Variants in ZFHX4 observed in about 807,000 individuals in gnomAD.
ZFHX4 encodes zinc finger homeobox protein 4.
ZFHX4 carries 56 observed loss-of-function variants against 267.6 expected under a neutral mutation model. The observed-to-expected ratio is 0.21, with a 90% CI of 0.17 to 0.26. The LOEUF (loss-of-function observed/expected upper bound fraction) is 0.26, where lower values mean the gene tolerates loss of function less well. Ranked by LOEUF, ZFHX4 falls within the 10% of genes least tolerant of loss-of-function variation. The probability of loss-of-function intolerance (pLI) is 1.00; values close to 1 mark genes in which losing one functional copy is unlikely to be tolerated. For missense variants in ZFHX4, 4,332 were observed against 4,420.0 expected (o/e 0.98, Z 0.56); for synonymous variants, 1,778 against 1,665.6 (o/e 1.07, Z -1.64).
At position 76,864,779 on chromosome 8, in the gene ZFHX4, A is replaced by G. The variant is rs988471925; in HGVS notation, c.*214A>G. On this transcript the variant is annotated 3_prime_UTR_variant, in exon 11 of 11. Transcript: ENST00000651372. ...AGATGGTTGAATGCGCTTGTACTAT[A>G]TGCTAAAATATGGAAAAGGAAAAAA... 2.5e-4 allele frequency: 88 copies of G among 347,840 alleles called. No individual in the cohort carries two copies. The highest frequency in any genetic ancestry group is 1.8e-3 in the African/African-American group (87 of 47,240). The allele number at this position is 347,840 out of a possible 1,614,324, so 21.5% of individuals were successfully genotyped here.
rs992313188 is a variant in ZFHX4, at chr8:76,855,734, A to G, written c.8813A>G (p.Asn2938Ser). 1.2e-6 allele frequency: 2 copies of G among 1,613,966 alleles called. No individual in the cohort carries two copies. Among genetic ancestry groups the G allele is most frequent in the Non-Finnish European group, 8.5e-7 (1 of 1,179,870 alleles). ...GHKRFRTQMS[N>S]LQLKVLKACF... is the part of the protein sequence containing the mutation. ...AAGCGTTTTCGAACGCAAATGAGCA[A>G]TCTTCAACTCAAGGTTCTCAAGGCT... The change falls in exon 10 of 11, where the codon AAT becomes AGT. Residue 2938 changes from asparagine (N) to serine (S), a missense_variant. Asn to Ser is a conservative substitution (Grantham distance 46). This residue lies in a region of ZFHX4 where 1,648 missense variants were observed against 1,625.0 expected (regional missense o/e 1.01). Transcript: ENST00000651372.
chr8:76,722,769 ATGTCT>A (rs1170700757), intron 3 of ZFHX4, among the ~76,000 whole-genome samples: 2 of 152,000 alleles, frequency 1.3e-5, no homozygotes, highest in African/African-American at 4.8e-5. Flanking sequence ...AATATTACTC[ATGTCT>A]TGTCAGTACA....
rs557883504 is a variant in ZFHX4 at position 76,768,982 on chromosome 8, C to T, written c.3094-9226C>T. Among the ~76,000 whole-genome samples the T allele has an allele frequency of 1.9e-3, 282 of 152,194 alleles. 2 individuals are homozygous for T. The highest frequency in any genetic ancestry group is 3.1e-3 in the Non-Finnish European group (208 of 68,012). Reference sequence around the variant, plus strand: ...GTGTGGTGGTGCATGCTTGTAGTCCCAGCTACTTGGGAGGCTGAGGCAGGA... The same window carrying T: ...GTGTGGTGGTGCATGCTTGTAGTCCTAGCTACTTGGGAGGCTGAGGCAGGA... On this transcript the variant is annotated intron_variant, in intron 3 of 10. Transcript: ENST00000651372.
intron 4 of ZFHX4, among the ~76,000 whole-genome samples, chr8:76,832,608 A>C (rs1399398132): frequency 6.6e-6 from 1 of 152,166 alleles, no homozygotes; most frequent in Non-Finnish European, 1.5e-5. Context: ...GAGACTTGGT[A>C]AAATGGAATC....
At chr8:76,694,148 G>A (rs1267931026) in intron 1 of ZFHX4, among the ~76,000 whole-genome samples, 2 of 152,120 alleles carry the variant, frequency 1.3e-5, no homozygotes, top group East Asian at 3.9e-4. Context: ...ACTCTATCGT[G>A]TACATAACAA....
rs747801606 is a variant in ZFHX4 at position 76,851,303 on chromosome 8, C to G, written c.4382C>G (p.Ala1461Gly). 8 of 1,613,622 alleles carry G rather than the reference C, an allele frequency of 5.0e-6. No individual in the cohort carries two copies. In the South Asian group the frequency reaches 7.7e-5, roughly 16 times the overall value. ...GAAGCTGAACTTCAACAGCTATATG[C>G]CTCCTTGCCCGTGAATGGAGAACTG... ...LSEAELQQLY[A>G]SLPVNGELWA... The change falls in exon 10 of 11, where the codon GCC becomes GGC. Residue 1461 changes from alanine to glycine, a missense_variant. Ala to Gly is a moderately conservative substitution (Grantham distance 60). Coordinates refer to ENST00000651372, the MANE Select transcript of ZFHX4 (RefSeq NM_024721.5).
chr8:76,682,335 C>T (rs559331186), intron 1 of ZFHX4, among the ~76,000 whole-genome samples: 1 of 152,300 alleles, frequency 6.6e-6, no homozygotes, highest in East Asian at 1.9e-4. Flanking sequence ...GCTTAGTGTG[C>T]GGGGCTGGCG....
intron 3 of ZFHX4, among the ~76,000 whole-genome samples, chr8:76,757,563 G>T (rs564888181): frequency 6.6e-6 from 1 of 152,168 alleles, no homozygotes; most frequent in Non-Finnish European, 1.5e-5. Flanking sequence ...GGCATGGAAG[G>T]TTTATGCCCA....
At chr8:76,698,019 T>A (rs1808003862) in intron 1 of ZFHX4, among the ~76,000 whole-genome samples, 1 of 152,000 alleles carries the variant, frequency 6.6e-6, no homozygotes, top group Non-Finnish European at 1.5e-5. Flanking sequence ...GATTAGGAAA[T>A]CCTTAACCTT....
intron 3 of ZFHX4, among the ~76,000 whole-genome samples, chr8:76,737,974 G>C (rs1008601246): frequency 2.0e-5 from 3 of 152,022 alleles, no homozygotes; most frequent in Admixed American, 6.6e-5. Flanking sequence ...CCTCTGGAAG[G>C]GAACAGTGTG....
chr8:76,810,149 A>G (rs564429921), intron 4 of ZFHX4, among the ~76,000 whole-genome samples: 45 of 152,284 alleles, frequency 3.0e-4, no homozygotes, highest in Admixed American at 9.8e-4. Flanking sequence ...TGTTCTGCAA[A>G]TTCATTCTTA....
intron 3 of ZFHX4, among the ~76,000 whole-genome samples, chr8:76,770,133 T>TA (rs371749292): frequency 3.9e-5 from 6 of 152,310 alleles, no homozygotes; most frequent in African/African-American, 1.2e-4. Flanking sequence ...CAGGTTCTGT[T>TA]AAAAATATCA....
At chr8:76,778,070 C>G (rs945845364) in intron 3 of ZFHX4, 138 bp from the exon 4 acceptor site, 2 of 633,912 alleles carry the variant, frequency 3.2e-6, no homozygotes, top group Non-Finnish European at 5.7e-6. Flanking sequence ...AGGTGGTAGG[C>G]TGGGCTGCGT....
In ZFHX4 at chr8:76,854,553, T is replaced by A; in HGVS notation, c.7632T>A (p.Asn2544Lys). The A allele has an allele frequency of 1.2e-6, 2 of 1,613,580 alleles. No individual in the cohort carries two copies. Among genetic ancestry groups the A allele is most frequent in the Non-Finnish European group, 1.7e-6 (2 of 1,179,826 alleles). The change falls in exon 10 of 11, where the codon AAT becomes AAA. Residue 2544 changes from asparagine to lysine, a missense_variant. Asn to Lys is a moderately conservative substitution (Grantham distance 94). Around this residue, in one of 7 missense-constraint regions of ZFHX4, gnomAD observed 1,648 missense variants for 1,625.0 expected, o/e 1.01. Coordinates refer to ENST00000651372, the MANE Select transcript of ZFHX4 (RefSeq NM_024721.5). ...CCTACATGATATTTGACCCCAACAA[T>A]CCGCTGATGACTGGACAACTGCTGG... Reference protein sequence around the residue: ...DMPYMIFDPNNPLMTGQLLGS... With the variant: ...DMPYMIFDPNKPLMTGQLLGS...
chr8:76,744,974 A>G (rs754526574), intron 3 of ZFHX4, among the ~76,000 whole-genome samples: 1 of 152,144 alleles, frequency 6.6e-6, no homozygotes, highest in African/African-American at 2.4e-5. Flanking sequence ...TCTTCTTGTG[A>G]TGCCCAAGTC....
chr8:76,688,357 AG>A (rs1315831508), intron 1 of ZFHX4, among the ~76,000 whole-genome samples: 2 of 152,170 alleles, frequency 1.3e-5, no homozygotes, highest in East Asian at 3.9e-4. Flanking sequence ...GGCAATGTTA[AG>A]TGTTTTAAGT....
chr8:76,851,950 G>A lies in ZFHX4; in HGVS notation c.5029G>A (p.Asp1677Asn). The A allele has an allele frequency of 6.2e-7, 1 of 1,613,936 alleles. No individual in the cohort carries two copies. Among genetic ancestry groups the A allele is most frequent in the East Asian group, 2.2e-5 (1 of 44,866 alleles). ...AGAATTAAATAAAAAGCAAACTCCT[G>A]ATTTAATCTCTGCTCAACCTGCACA... ...AKELNKKQTPDLISAQPAHHP... is the reference protein window; with the variant it reads ...AKELNKKQTPNLISAQPAHHP... Residue 1677 changes from aspartate (D) to asparagine (N), a missense_variant, in exon 10 of 11, where the codon GAT (aspartate) becomes AAT (asparagine). By Grantham distance (23) the Asp-to-Asn change is conservative. Around this residue, in one of 7 missense-constraint regions of ZFHX4, gnomAD observed 1,371 missense variants for 1,423.1 expected, o/e 0.96. Coordinates refer to ENST00000651372, the MANE Select transcript of ZFHX4 (RefSeq NM_024721.5).
At position 76,801,802 on chromosome 8, in the gene ZFHX4, G is replaced by T. The variant is rs146033312; in HGVS notation, c.3325+23363G>T. 1.9e-4 allele frequency among the ~76,000 whole-genome samples: 29 copies of T among 151,942 alleles called. No homozygotes were observed. In the South Asian group the frequency reaches 5.9e-3, roughly 31 times the overall value. On this transcript the variant is annotated intron_variant, in intron 4 of 10. Transcript: ENST00000651372. ...TAATTTGCTGAGGTATTAAAAGAAG[G>T]TTATTGTTGGAAATGAATTTATGAG... is the stretch of plus-strand genomic sequence containing the variant.
At chr8:76,805,956 C>T (rs1359593837) in intron 4 of ZFHX4, among the ~76,000 whole-genome samples, 1 of 152,042 alleles carries the variant, frequency 6.6e-6, no homozygotes, top group African/African-American at 2.4e-5. Flanking sequence ...GTCTTATCAA[C>T]CATGTCTTTG....
Sources: gnomAD v4.1 joint callset for allele counts (sites outside exome capture counted in the v4.1 genomes callset) on GRCh38, gnomAD v4.1.1 for gene constraint, gnomAD v4.1.1 regional missense constraint, MANE v1.5 for transcripts, NCBI Gene and HGNC (gene_info 2026-07-23, HGNC 2026-07-21) for gene names.